Variants in PCDH15 observed in about 807,000 individuals in gnomAD.
PCDH15 encodes the protein protocadherin-15.
PCDH15 carries 129 observed loss-of-function variants against 178.5 expected under a neutral mutation model. The ratio of observed to expected loss-of-function variants is 0.72; its 90% CI spans 0.63 to 0.84. The LOEUF (loss-of-function observed/expected upper bound fraction) is 0.84, where lower values mean the gene tolerates loss of function less well. Ranked by LOEUF, PCDH15 falls within the 40% of genes least tolerant of loss-of-function variation. The pLI is 0.00. For synonymous variants in PCDH15, 800 were observed against 732.0 expected, an observed-to-expected ratio of 1.09 and a Z score of -1.50; for missense variants, 2,230 against 2,099.9, an observed-to-expected ratio of 1.06 and a Z score of -1.21.
chr10:54,035,325 A>G (rs2093391330), intron 18 of PCDH15, among the ~76,000 whole-genome samples: 1 of 151,932 alleles, frequency 6.6e-6, no homozygotes, highest in African/African-American at 2.4e-5. Context: ...TTAAGCAAAT[A>G]TATTGGCACC....
chr10:53,961,449 T>C (rs1341676126), intron 22 of PCDH15, among the ~76,000 whole-genome samples: 2 of 152,056 alleles, frequency 1.3e-5, no homozygotes, highest in African/African-American at 4.8e-5. Flanking sequence ...ATATTGAATT[T>C]AAAAACCAGT....
At chr10:54,443,127 A>G (rs2075934414) in intron 3 of PCDH15, among the ~76,000 whole-genome samples, 1 of 151,666 alleles carries the variant, frequency 6.6e-6, no homozygotes, top group Non-Finnish European at 1.5e-5. Flanking sequence ...CACTGCTAGC[A>G]ACTTTCCCAT....
chr10:55,525,589 T>C (rs989728447), intron 2 of PCDH15, among the ~76,000 whole-genome samples: 1 of 151,926 alleles, frequency 6.6e-6, no homozygotes, highest in African/African-American at 2.4e-5. Context: ...GGCTTACATG[T>C]ATTTCTTCTT....
intron 2 of PCDH15, among the ~76,000 whole-genome samples, chr10:54,540,242 A>G (rs915977280): frequency 3.4e-4 from 51 of 152,138 alleles, no homozygotes; most frequent in African/African-American, 1.2e-3. Flanking sequence ...AATAAGATCT[A>G]TAGACCACTG....
At chr10:54,304,749 A>G (rs1362061329) in intron 8 of PCDH15, among the ~76,000 whole-genome samples, 1 of 152,104 alleles carries the variant, frequency 6.6e-6, no homozygotes, top group East Asian at 1.9e-4. Flanking sequence ...AAACAGGGAC[A>G]GGAGATGACA....
intron 3 of PCDH15, among the ~76,000 whole-genome samples, chr10:54,390,013 T>G (rs1950359865): frequency 6.6e-6 from 1 of 152,192 alleles, no homozygotes; most frequent in African/African-American, 2.4e-5. Flanking sequence ...CCTTGTTTTA[T>G]AATGTGCTGT....
At chr10:54,486,892 C>T (rs1165681801) in intron 3 of PCDH15, among the ~76,000 whole-genome samples, 2 of 151,850 alleles carry the variant, frequency 1.3e-5, no homozygotes, top group African/African-American at 2.4e-5. Context: ...CATTATAGAC[C>T]ATGAGATTAA....
chr10:54,729,113 G>A (rs2132623189), intron 1 of PCDH15, among the ~76,000 whole-genome samples: 1 of 151,536 alleles, frequency 6.6e-6, no homozygotes, highest in Non-Finnish European at 1.5e-5. Context: ...AATAGCCAAA[G>A]CAATCCTAAA....
chr10:54,159,340 G>T (rs1291263823), intron 13 of PCDH15, among the ~76,000 whole-genome samples: 2 of 151,924 alleles, frequency 1.3e-5, no homozygotes, highest in Non-Finnish European at 1.5e-5. Context: ...GGGCTAAACT[G>T]GTAAATTTAT....
intron 3 of PCDH15, among the ~76,000 whole-genome samples, chr10:54,501,522 A>C (rs1034696719): frequency 6.6e-6 from 1 of 152,280 alleles, no homozygotes; most frequent in Non-Finnish European, 1.5e-5. Context: ...AAAGAATTTC[A>C]TAGTCCAGTC....
intron 2 of PCDH15, among the ~76,000 whole-genome samples, chr10:54,631,493 T>A (rs2093698810): frequency 6.6e-6 from 1 of 152,064 alleles, no homozygotes; most frequent in South Asian, 2.1e-4. Flanking sequence ...TGGAAAGCAG[T>A]TTGGAGATTT....
At chr10:55,389,732 G>T (rs1273553776) in intron 2 of PCDH15, among the ~76,000 whole-genome samples, 1 of 151,994 alleles carries the variant, frequency 6.6e-6, no homozygotes, top group Non-Finnish European at 1.5e-5. Flanking sequence ...CTAATTTTCA[G>T]CAACTCTCAT....
At chr10:55,245,522 G>A (rs1841660094) in intron 1 of PCDH15, among the ~76,000 whole-genome samples, 1 of 151,988 alleles carries the variant, frequency 6.6e-6, no homozygotes, top group Non-Finnish European at 1.5e-5. Context: ...TCTTCAACTA[G>A]ATTAAAATTC....
At chr10:54,155,639 T>C (rs563668154) in intron 13 of PCDH15, among the ~76,000 whole-genome samples, 1 of 152,122 alleles carries the variant, frequency 6.6e-6, no homozygotes, top group South Asian at 2.1e-4. Flanking sequence ...CAAATCATAA[T>C]AGTGTCTTCC....
intron 8 of PCDH15, among the ~76,000 whole-genome samples, chr10:54,267,599 C>T (rs957332193): frequency 6.6e-6 from 1 of 151,734 alleles, no homozygotes; most frequent in Non-Finnish European, 1.5e-5. Context: ...AATCAACATA[C>T]AAAAAGCAGT....
At chr10:55,162,883 T>C (rs1007749107) in intron 2 of PCDH15, among the ~76,000 whole-genome samples, 2 of 152,146 alleles carry the variant, frequency 1.3e-5, no homozygotes, top group East Asian at 3.9e-4. Context: ...CAATTACCAG[T>C]CATTGTTCTA....
intron 2 of PCDH15, among the ~76,000 whole-genome samples, chr10:54,587,525 A>G (rs1398392208): frequency 7.8e-6 from 1 of 128,522 alleles, no homozygotes; most frequent in African/African-American, 2.9e-5. Context: ...AAAAACCCAA[A>G]CACACAATAA....
At chr10:54,376,245 T>G (rs975978012) in intron 4 of PCDH15, among the ~76,000 whole-genome samples, 7 of 151,864 alleles carry the variant, frequency 4.6e-5, no homozygotes, top group African/African-American at 1.7e-4. Flanking sequence ...ACCAAAAAAC[T>G]TTGGGCAACA....
chr10:54,134,614 G>A (rs1006074532), intron 14 of PCDH15, among the ~76,000 whole-genome samples: 34 of 151,678 alleles, frequency 2.2e-4, no homozygotes, highest in Admixed American at 2.6e-4. Context: ...TTAGCTTGGC[G>A]TGGTTGCGGG....
Sources: allele counts gnomAD v4.1 joint callset (sites outside exome capture counted in the v4.1 genomes callset), GRCh38; gene constraint gnomAD v4.1.1; transcripts MANE v1.5; gene names NCBI Gene and HGNC (gene_info 2026-07-23, HGNC 2026-07-21).